The following STK32B variants were observed in gnomAD, a reference collection of about 807,000 sequenced individuals.
STK32B encodes the protein serine/threonine kinase 32B, also known as serine/threonine-protein kinase 32B.
Under a neutral mutation model 52.6 loss-of-function variants are expected in STK32B, and 43 were observed. The observed-to-expected ratio is 0.82, with a 90% CI of 0.64 to 1.05. The LOEUF is 1.05. Among genes scored for constraint, STK32B ranks in the 50% least tolerant of loss-of-function variants. STK32B has a pLI of 0.00. For synonymous variants in STK32B, 238 were observed against 204.3 expected (o/e 1.17, Z -1.41); for missense variants, 621 against 534.6 (o/e 1.16, Z -1.59).
chr4:5,108,094 A>G (rs1714204252), intron 1 of STK32B, among the ~76,000 whole-genome samples: 1 of 152,104 alleles, frequency 6.6e-6, no homozygotes, highest in South Asian at 2.1e-4. Flanking sequence ...TTTTACCACC[A>G]TTATTTAGCA....
Position 5,466,115 on chromosome 4 carries a change from A to G in STK32B, c.910-588A>G, listed in dbSNP as rs1717415366. 2.6e-5 allele frequency among the ~76,000 whole-genome samples: 4 copies of G among 152,250 alleles called. No homozygotes were observed. The South Asian group carries it at 8.3e-4, about 32-fold the overall frequency. On this transcript the variant is annotated intron_variant, in intron 9 of 11. Transcript: ENST00000282908. The stretch of plus-strand genomic sequence containing the variant: ...CATCTGGGCTACAGCTGAGGAATGA[A>G]AGTGGCTACCAGGAATCTGGGTCCA...
chr4:5,323,022 G>T (rs1731619695), intron 3 of STK32B, among the ~76,000 whole-genome samples: 2 of 152,156 alleles, frequency 1.3e-5, no homozygotes, highest in African/African-American at 4.8e-5. Context: ...CCTCCATTGG[G>T]CAATTGAGGG....
chr4:5,197,449 G>T (rs910677820), intron 3 of STK32B, among the ~76,000 whole-genome samples: 9 of 152,236 alleles, frequency 5.9e-5, no homozygotes, highest in Non-Finnish European at 1.2e-4. Flanking sequence ...CGACCACCCA[G>T]TCCTTCAGTC....
rs1350949367 is a variant in STK32B at position 5,498,978 on chromosome 4, C to T, written c.1140C>T (p.Leu380=). 6.8e-6 allele frequency: 11 copies of T among 1,613,836 alleles called. No individual in the cohort carries two copies. The highest frequency in any genetic ancestry group is 9.3e-6 in the Non-Finnish European group (11 of 1,179,826). Residue 380 remains leucine (L), a synonymous_variant, in exon 12 of 12, where the codon CTC becomes CTT. Coordinates refer to ENST00000282908, the MANE Select transcript of STK32B (RefSeq NM_018401.3). ...GGCAGCAGGGACAGGGCAGCCAGCT[C>T]TTGGACACCGACAGCCGAGGGGGAG... ...LRRQQGQGSQ[L]LDTDSRGGGQ... is the part of the protein sequence containing the mutation.
intron 3 of STK32B, among the ~76,000 whole-genome samples, chr4:5,193,769 C>A (rs962872716): frequency 6.6e-6 from 1 of 152,224 alleles, no homozygotes; most frequent in Non-Finnish European, 1.5e-5. Context: ...AACAAATGTG[C>A]GAGGATTTCA....
intron 1 of STK32B, among the ~76,000 whole-genome samples, chr4:5,088,103 C>T (rs763768851): frequency 4.0e-5 from 6 of 151,844 alleles, no homozygotes; most frequent in South Asian, 4.1e-4. Context: ...TGCCTGTGAT[C>T]GCAACAGAAA....
chr4:5,097,186 G>A (rs775779773), intron 1 of STK32B, among the ~76,000 whole-genome samples: 33 of 152,202 alleles, frequency 2.2e-4, no homozygotes, highest in Non-Finnish European at 3.7e-4. Context: ...AAAAGGGAAC[G>A]TAACAGTGGC....
chr4:5,238,160 A>G (rs1189232857), intron 3 of STK32B, among the ~76,000 whole-genome samples: 3 of 152,136 alleles, frequency 2.0e-5, no homozygotes, highest in Non-Finnish European at 4.4e-5. Context: ...AACAGAAATT[A>G]TGGATTCGCT....
chr4:5,195,456 G>T (rs757707519), intron 3 of STK32B, among the ~76,000 whole-genome samples: 14 of 152,130 alleles, frequency 9.2e-5, no homozygotes, highest in Middle Eastern at 3.2e-3. Context: ...ACTTTGGGAG[G>T]CCAAGGCAGG....
At chr4:5,243,077 A>G (rs961392835) in intron 3 of STK32B, among the ~76,000 whole-genome samples, 2 of 152,118 alleles carry the variant, frequency 1.3e-5, no homozygotes, top group South Asian at 2.1e-4. Flanking sequence ...TTTTGGTTCC[A>G]TATGAACTTT....
At chr4:5,256,707 A>G (rs1726325162) in intron 3 of STK32B, among the ~76,000 whole-genome samples, 1 of 152,194 alleles carries the variant, frequency 6.6e-6, no homozygotes, top group African/African-American at 2.4e-5. Context: ...GTGACTGAGT[A>G]TCTCTCTGTG....
At chr4:5,204,493 A>G (rs886078929) in intron 3 of STK32B, among the ~76,000 whole-genome samples, 28 of 38,460 alleles carry the variant, frequency 7.3e-4, no homozygotes, top group African/African-American at 2.2e-3. Flanking sequence ...GTTTTGAGAC[A>G]GAGTCTCACT....
chr4:5,263,020 T>A (rs972255413), intron 3 of STK32B, among the ~76,000 whole-genome samples: 8 of 150,954 alleles, frequency 5.3e-5, no homozygotes, highest in African/African-American at 1.9e-4. Flanking sequence ...CCCAAAAACT[T>A]AAGCATCTCT....
rs184034218 is a variant in STK32B, at chr4:5,467,380, G to A, written c.1041+546G>A. 6.7e-4 allele frequency among the ~76,000 whole-genome samples: 102 copies of A among 152,198 alleles called. 4 individuals carry two copies. The East Asian group carries it at 0.012, about 18-fold the overall frequency. On this transcript the variant is annotated intron_variant, in intron 10 of 11. Transcript: ENST00000282908. The surrounding 1 kb of genome is among the most constrained non-coding windows in gnomAD (Gnocchi z 5.8). ...GTGGCGGCCGGCCCCCTTGTCCTTC[G>A]CTGGCTCGCAGCTGCATGGTTCCAG...
intron 5 of STK32B, among the ~76,000 whole-genome samples, chr4:5,415,575 A>G (rs1249471448): frequency 2.0e-5 from 3 of 152,198 alleles, no homozygotes; most frequent in African/African-American, 7.2e-5. Context: ...CCTAGGTAGG[A>G]ATACTGTGCA....
chr4:5,355,154 CT>C (rs923763737), intron 4 of STK32B, among the ~76,000 whole-genome samples: 2 of 152,220 alleles, frequency 1.3e-5, no homozygotes, highest in African/African-American at 4.8e-5. Context: ...AACGAATCCT[CT>C]ACCCCACAGG....
At chr4:5,214,679 C>T (rs1388405006) in intron 3 of STK32B, among the ~76,000 whole-genome samples, 1 of 152,222 alleles carries the variant, frequency 6.6e-6, no homozygotes, top group Non-Finnish European at 1.5e-5. Context: ...CTCATGATCT[C>T]ATAATCTAAG....
chr4:5,051,628 G>T lies in STK32B; in HGVS notation c.-236G>T, dbSNP rs761594411. ...GGAGCTGCGAGCGCAGCCCGAGGCG[G>T]GGCACGGCGGAAGGCGCGGCGAGAG... On this transcript the variant is annotated 5_prime_UTR_variant, in exon 1 of 12. Transcript: ENST00000282908. 3.9e-4 allele frequency: 202 copies of T among 523,264 alleles called. No individual in the cohort carries two copies. The highest frequency in any genetic ancestry group is 6.4e-4 in the Non-Finnish European group (195 of 304,636). 32.4% of individuals were successfully genotyped at this position (523,264 alleles called of 1,614,324 possible).
At chr4:5,405,660 G>A (rs1257758817) in intron 5 of STK32B, among the ~76,000 whole-genome samples, 8 of 152,098 alleles carry the variant, frequency 5.3e-5, no homozygotes, top group East Asian at 3.8e-4. Flanking sequence ...AAGCAAGCAC[G>A]TCTTCACATG....
Sources: gnomAD v4.1 joint callset for allele counts (sites outside exome capture counted in the v4.1 genomes callset) on GRCh38, gnomAD v4.1.1 for gene constraint, Gnocchi (gnomAD v3.1) non-coding constraint, MANE v1.5 for transcripts, NCBI Gene and HGNC (gene_info 2026-07-23, HGNC 2026-07-21) for gene names.